The following PTPRG variants were observed in gnomAD, a reference collection of about 807,000 sequenced individuals.
The protein encoded by PTPRG is receptor-type tyrosine-protein phosphatase gamma.
In PTPRG, 102 loss-of-function variants were observed where a neutral mutation model predicts 165.3. That is an observed-to-expected ratio of 0.62 (90% CI 0.53 to 0.73). The LOEUF is 0.73. Among genes scored for constraint, PTPRG ranks in the 30% least tolerant of loss-of-function variants. The pLI is 0.00. For missense variants in PTPRG, 1,866 were observed against 1,861.4 expected, an observed-to-expected ratio of 1.00 and a Z score of -0.05; for synonymous variants, 675 against 669.5, an observed-to-expected ratio of 1.01 and a Z score of -0.13.
chr3:61,619,079 C>T (rs1313300859), intron 1 of PTPRG, among the ~76,000 whole-genome samples: 1 of 151,640 alleles, frequency 6.6e-6, no homozygotes, highest in Non-Finnish European at 1.5e-5. Context: ...ATTGCCTGAG[C>T]CTGGGAGATC....
intron 2 of PTPRG, among the ~76,000 whole-genome samples, chr3:61,829,598 G>A (rs1467549555): frequency 6.6e-6 from 1 of 152,188 alleles, no homozygotes. Context: ...GATTTGATGC[G>A]ACTACAGTTT....
intron 2 of PTPRG, among the ~76,000 whole-genome samples, chr3:61,895,805 A>G (rs2038339460): frequency 6.6e-6 from 1 of 152,206 alleles, no homozygotes; most frequent in Admixed American, 6.5e-5. Context: ...AAGTGATACC[A>G]TTTATATTTC....
chr3:62,090,046 T>C (rs17065990), intron 5 of PTPRG, among the ~76,000 whole-genome samples: 5,617 of 152,288 alleles, frequency 0.037, 112 homozygotes, highest in East Asian at 0.08. Context: ...AGAGGACTCT[T>C]ATGTGTTCAC....
intron 14 of PTPRG, 81 bp from the exon 15 acceptor site, chr3:62,243,726 T>C (rs998632917): frequency 3.3e-5 from 28 of 859,580 alleles, no homozygotes; most frequent in Non-Finnish European, 4.6e-5. Flanking sequence ...GCTGGGAAGA[T>C]CTATAAAATA....
Position 62,275,926 on chromosome 3 carries a change from G to A in PTPRG, c.3519G>A (p.Glu1173=), listed in dbSNP as rs374009338. ...KYVECFSAQK[E]CNKEKNRNSS... is the part of the protein sequence containing the mutation. Reference sequence around the variant, plus strand: ...TGGAATGTTTCAGTGCTCAGAAAGAGTGTAACAAAGAAAAGAACAGAAACT... The same window carrying A: ...TGGAATGTTTCAGTGCTCAGAAAGAATGTAACAAAGAAAAGAACAGAAACT... Residue 1173 remains glutamate (E), a synonymous_variant, in exon 24 of 30, where the codon GAG becomes GAA. Transcript: ENST00000474889. The A allele has an allele frequency of 3.1e-6, 5 of 1,611,892 alleles. No homozygotes were observed. In the African/African-American group the frequency reaches 5.3e-5, roughly 17 times the overall value.
intron 4 of PTPRG, among the ~76,000 whole-genome samples, chr3:62,016,887 T>G (rs1423915178): frequency 6.6e-6 from 1 of 152,248 alleles, no homozygotes; most frequent in East Asian, 1.9e-4. Flanking sequence ...CTAAGCCGTC[T>G]TATCATTTCA....
chr3:61,632,319 AC>A, intron 1 of PTPRG, among the ~76,000 whole-genome samples: 1 of 25,978 alleles, frequency 3.8e-5, no homozygotes, highest in Non-Finnish European at 6.4e-5. Context: ...ACACGCACAT[AC>A]ACACACACAC....
At chr3:61,827,664 ATCTT>A (rs992392713) in intron 2 of PTPRG, among the ~76,000 whole-genome samples, 8 of 152,180 alleles carry the variant, frequency 5.3e-5, no homozygotes, top group Non-Finnish European at 7.3e-5. Context: ...ATATATATAT[ATCTT>A]TCAAATACTG....
Position 62,072,663 on chromosome 3 carries a change from A to G in PTPRG, c.520-5500A>G, listed in dbSNP as rs372382316. ...TGTGTGTGTTTTATGTATATCATAT[A>G]TAGTATCTGCTATCTCATGGAACTC... On this transcript the variant is annotated intron_variant, in intron 4 of 29. Transcript: ENST00000474889. Among the ~76,000 whole-genome samples, 38 of 151,832 alleles carry G rather than the reference A, an allele frequency of 2.5e-4. 6 individuals are homozygous for G. Among genetic ancestry groups the G allele is most frequent in the Admixed American group, 2.2e-3 (33 of 15,244 alleles).
chr3:61,737,932 G>A (rs759817908), intron 1 of PTPRG, among the ~76,000 whole-genome samples: 9 of 144,520 alleles, frequency 6.2e-5, no homozygotes, highest in African/African-American at 2.0e-4. Context: ...TTTTTAAGAC[G>A]GAGTCTTTCT....
chr3:61,584,487 A>C (rs564829662), intron 1 of PTPRG, among the ~76,000 whole-genome samples: 1 of 152,260 alleles, frequency 6.6e-6, no homozygotes, highest in East Asian at 1.9e-4. Context: ...GTTACAACTT[A>C]AAATCAATAC....
intron 5 of PTPRG, among the ~76,000 whole-genome samples, chr3:62,125,646 C>T (rs1180500467): frequency 1.3e-5 from 2 of 151,576 alleles, no homozygotes; most frequent in African/African-American, 4.9e-5. Context: ...CTGAAATAAG[C>T]TCCTTTTGCC....
At chr3:61,885,017 G>A (rs569045567) in intron 2 of PTPRG, among the ~76,000 whole-genome samples, 1 of 152,128 alleles carries the variant, frequency 6.6e-6, no homozygotes, top group Non-Finnish European at 1.5e-5. Context: ...TGTGCATTTG[G>A]TAAATAATCT....
chr3:62,156,402 A>C (rs1471837788), intron 6 of PTPRG, among the ~76,000 whole-genome samples: 2 of 152,212 alleles, frequency 1.3e-5, no homozygotes, highest in Non-Finnish European at 2.9e-5. Context: ...GTCTGAACTT[A>C]AATATCATTT....
chr3:61,934,988 G>C (rs2039450304), intron 2 of PTPRG, among the ~76,000 whole-genome samples: 1 of 152,094 alleles, frequency 6.6e-6, no homozygotes, highest in Admixed American at 6.5e-5. Context: ...TGAGTGCGGA[G>C]TTCCCAACAC....
At chr3:62,124,289 T>C in intron 5 of PTPRG, 8 of 1,577,514 alleles carry the variant, frequency 5.1e-6, no homozygotes, top group Non-Finnish European at 6.1e-6. Flanking sequence ...GATGTCCGTG[T>C]TGAGGGTGGT....
At chr3:61,767,807 A>G (rs944436748) in intron 2 of PTPRG, among the ~76,000 whole-genome samples, 3 of 151,742 alleles carry the variant, frequency 2.0e-5, no homozygotes, top group Non-Finnish European at 2.9e-5. Context: ...CGTTTGTACC[A>G]AAGGAAAAAA....
At chr3:62,063,457 C>G (rs954146914) in intron 4 of PTPRG, among the ~76,000 whole-genome samples, 3 of 152,188 alleles carry the variant, frequency 2.0e-5, no homozygotes, top group Non-Finnish European at 2.9e-5. Context: ...CTCTGATTCT[C>G]TGGTGTCCTT....
intron 1 of PTPRG, among the ~76,000 whole-genome samples, chr3:61,582,362 CAA>C (rs1260373652): frequency 1.3e-5 from 2 of 152,110 alleles, no homozygotes; most frequent in Non-Finnish European, 2.9e-5. Context: ...ATAAAAATCA[CAA>C]GAGTAGCAAC....
Sources: allele counts gnomAD v4.1 joint callset (sites outside exome capture counted in the v4.1 genomes callset), GRCh38; gene constraint gnomAD v4.1.1; transcripts MANE v1.5; gene names NCBI Gene and HGNC (gene_info 2026-07-23, HGNC 2026-07-21).